Variants in ZBTB20 observed in about 807,000 individuals in gnomAD.
The protein encoded by ZBTB20 is zinc finger and BTB domain containing 20.
Under a neutral mutation model 56.9 loss-of-function variants are expected in ZBTB20, and 9 were observed. That is an observed-to-expected ratio of 0.16 (90% CI 0.10 to 0.28). ZBTB20 has a LOEUF of 0.28. Ranked by LOEUF, ZBTB20 falls within the 10% of genes least tolerant of loss-of-function variation. The pLI, the probability that ZBTB20 is intolerant of heterozygous loss-of-function variation, is 1.00. For missense variants in ZBTB20, 655 were observed against 1,003.0 expected, an observed-to-expected ratio of 0.65 and a Z score of 4.69; for synonymous variants, 417 against 420.7, an observed-to-expected ratio of 0.99 and a Z score of 0.11.
At chr3:114,729,956 ATTT>A (rs1229757252) in intron 5 of ZBTB20, among the ~76,000 whole-genome samples, 2 of 119,446 alleles carry the variant, frequency 1.7e-5, no homozygotes, top group Admixed American at 1.8e-4. Context: ...CATCCGGCTA[ATTT>A]TTTTTTTTTT....
intron 6 of ZBTB20, among the ~76,000 whole-genome samples, chr3:114,508,605 C>T (rs1363919936): frequency 6.6e-6 from 1 of 152,074 alleles, no homozygotes; most frequent in Non-Finnish European, 1.5e-5. Flanking sequence ...TAAAGATGGA[C>T]TTTGGCTTTT....
chr3:114,418,245 A>G (rs2088784292), intron 7 of ZBTB20, among the ~76,000 whole-genome samples: 1 of 152,042 alleles, frequency 6.6e-6, no homozygotes, highest in Non-Finnish European at 1.5e-5. Flanking sequence ...TGCCCTTTGA[A>G]TTTCAATACA....
chr3:114,970,620 C>T (rs548521643), intron 3 of ZBTB20, among the ~76,000 whole-genome samples: 2 of 152,064 alleles, frequency 1.3e-5, no homozygotes, highest in African/African-American at 2.4e-5. Flanking sequence ...TCTACTGGTA[C>T]GTAAGTTATG....
chr3:114,776,280 G>A (rs2069602373), intron 5 of ZBTB20, among the ~76,000 whole-genome samples: 1 of 151,614 alleles, frequency 6.6e-6, no homozygotes, highest in African/African-American at 2.4e-5. Context: ...AAAAGACTTT[G>A]CAGGTATAAT....
At chr3:114,683,000 T>C (rs1362169577) in intron 6 of ZBTB20, among the ~76,000 whole-genome samples, 1 of 152,212 alleles carries the variant, frequency 6.6e-6, no homozygotes, top group African/African-American at 2.4e-5. Flanking sequence ...TTTATTCTCC[T>C]AGATTAAATG....
chr3:114,612,102 A>G (rs1560035300), intron 6 of ZBTB20, among the ~76,000 whole-genome samples: 1 of 152,168 alleles, frequency 6.6e-6, no homozygotes, highest in Non-Finnish European at 1.5e-5. Flanking sequence ...TTCCCATATT[A>G]AACCATTGGC....
chr3:114,821,036 G>A (rs1026608291), intron 4 of ZBTB20, among the ~76,000 whole-genome samples: 9 of 152,044 alleles, frequency 5.9e-5, no homozygotes, highest in African/African-American at 1.2e-4. Context: ...GTGTATTTGC[G>A]TTTTCACATT....
chr3:114,422,717 C>T (rs957136350), intron 7 of ZBTB20, among the ~76,000 whole-genome samples: 6 of 152,058 alleles, frequency 3.9e-5, no homozygotes, highest in Non-Finnish European at 4.4e-5. Context: ...TTGATGTAAC[C>T]GCTGATTATT....
rs57746371 is a variant in ZBTB20, at chr3:114,384,100, T to TTCTCTCTCTCTC, written c.-153-3172_-153-3161dup. On this transcript the variant is annotated intron_variant, in intron 8 of 11. Coordinates refer to ENST00000675478, the MANE Select transcript of ZBTB20 (RefSeq NM_001348800.3). ...TCAGTCTCTTTCTTTTCAGTTCTCA[T>TTCTCTCTCTCTC]TCTCTCTCTCTCTCTCTCTCTCTCT... Among the ~76,000 whole-genome samples the TTCTCTCTCTCTC allele has an allele frequency of 1.9e-3, 267 of 139,328 alleles. 2 individuals carry two copies. The highest frequency in any genetic ancestry group is 6.5e-3 in the African/African-American group (235 of 36,230). 91.4% of individuals were successfully genotyped at this position (139,328 alleles called of 152,430 possible). A position where few individuals can be genotyped will look rare whatever the true frequency, so the allele number is the denominator to read the frequency against.
intron 6 of ZBTB20, among the ~76,000 whole-genome samples, chr3:114,581,727 A>G (rs1279634126): frequency 6.6e-6 from 1 of 152,098 alleles, no homozygotes; most frequent in Non-Finnish European, 1.5e-5. Context: ...ATATTATTCA[A>G]TTCCGATCAG....
chr3:115,115,895 G>T (rs1451903555), intron 1 of ZBTB20, among the ~76,000 whole-genome samples: 1 of 152,064 alleles, frequency 6.6e-6, no homozygotes, highest in East Asian at 1.9e-4. Flanking sequence ...CTTTTTCAAT[G>T]ACAGTGAATA....
chr3:114,953,714 T>C (rs1022841571), intron 3 of ZBTB20, among the ~76,000 whole-genome samples: 1 of 151,872 alleles, frequency 6.6e-6, no homozygotes, highest in African/African-American at 2.4e-5. Flanking sequence ...CATGAAGACA[T>C]AAAAACTGAC....
At chr3:114,710,195 A>T (rs1314334699) in intron 5 of ZBTB20, 2 of 152,162 alleles carry the variant, frequency 1.3e-5, no homozygotes, top group African/African-American at 4.8e-5. Flanking sequence ...AGGGAATTTT[A>T]AAAAATAGCA....
intron 5 of ZBTB20, among the ~76,000 whole-genome samples, chr3:114,718,407 C>A (rs1189528755): frequency 6.6e-6 from 1 of 152,046 alleles, no homozygotes; most frequent in Non-Finnish European, 1.5e-5. Context: ...CTTCTGATGT[C>A]AGATGGAGTT....
chr3:114,398,564 TC>T (rs959208568), intron 7 of ZBTB20, among the ~76,000 whole-genome samples: 3 of 152,098 alleles, frequency 2.0e-5, no homozygotes, highest in African/African-American at 7.2e-5. Flanking sequence ...CAAAGGCAGC[TC>T]CGTTCTTAGG....
chr3:114,852,378 C>A (rs994170449), intron 4 of ZBTB20, among the ~76,000 whole-genome samples: 2 of 152,196 alleles, frequency 1.3e-5, no homozygotes, highest in Non-Finnish European at 2.9e-5. Flanking sequence ...ATTCTCCTGC[C>A]TCAGTCTACC....
intron 6 of ZBTB20, among the ~76,000 whole-genome samples, chr3:114,578,876 T>C (rs1013452322): frequency 6.6e-6 from 1 of 151,662 alleles, no homozygotes; most frequent in African/African-American, 2.4e-5. Context: ...TCTAAAAATA[T>C]TAGTAAATAT....
intron 3 of ZBTB20, among the ~76,000 whole-genome samples, chr3:114,918,462 T>G (rs963580465): frequency 6.6e-6 from 1 of 152,024 alleles, no homozygotes; most frequent in African/African-American, 2.4e-5. Flanking sequence ...CAGCTGGGAA[T>G]GTTCTGGATC....
At chr3:114,460,017 G>A (rs560185635) in intron 7 of ZBTB20, among the ~76,000 whole-genome samples, 1 of 152,088 alleles carries the variant, frequency 6.6e-6, no homozygotes, top group African/African-American at 2.4e-5. Flanking sequence ...ACAGAGAAGA[G>A]CTGAGTGGCA....
Sources: allele counts gnomAD v4.1 joint callset (sites outside exome capture counted in the v4.1 genomes callset), GRCh38; gene constraint gnomAD v4.1.1; transcripts MANE v1.5; gene names NCBI Gene and HGNC (gene_info 2026-07-23, HGNC 2026-07-21).